SYNE1: variants seen among roughly 807,000 people sequenced by gnomAD.
The protein encoded by SYNE1 is nesprin-1.
Under a neutral mutation model 1,111.0 loss-of-function variants are expected in SYNE1, and 616 were observed. The observed-to-expected ratio is 0.55, with a 90% CI of 0.52 to 0.59. The LOEUF is 0.59. Among genes scored for constraint, SYNE1 ranks in the 20% least tolerant of loss-of-function variants. The probability of loss-of-function intolerance (pLI) is 0.00; values close to 1 mark genes in which losing one functional copy is unlikely to be tolerated. For missense variants in SYNE1, 10,006 were observed against 10,417.0 expected, an observed-to-expected ratio of 0.96 and a Z score of 1.72; for synonymous variants, 3,855 against 3,825.8, an observed-to-expected ratio of 1.01 and a Z score of -0.28.
chr6:152,459,315 T>C (rs1333774155), intron 21 of SYNE1, among the ~76,000 whole-genome samples: 1 of 152,200 alleles, frequency 6.6e-6, no homozygotes, highest in Non-Finnish European at 1.5e-5. Flanking sequence ...ATTATTATTA[T>C]ATTACCTAGA....
At chr6:152,221,353 A>T in intron 118 of SYNE1, 73 bp downstream of exon 118, 1 of 1,561,114 alleles carries the variant, frequency 6.4e-7, no homozygotes, top group Non-Finnish European at 8.8e-7. Context: ...TCAAACTGTC[A>T]TTGTTTTAAT....
In SYNE1 at chr6:152,331,112, T is replaced by C. The variant is rs909205583; in HGVS notation, c.13573A>G (p.Thr4525Ala). Residue 4525 changes from threonine (T) to alanine (A), a missense_variant, in exon 78 of 146, where the codon ACA (threonine) becomes GCA (alanine). Around this residue, in one of 7 missense-constraint regions of SYNE1, gnomAD observed 4,955 missense variants for 5,017.2 expected, o/e 0.99. Transcript: ENST00000367255. ...AGCACTTCACTCTTTTCCTGCTCTG[T>C]GACTTCCTTCATTAGTTCGCGACCC... is the stretch of plus-strand genomic sequence containing the variant. ...AQGRELMKEV[T>A]EQEKSEVLGK... 2.5e-6 allele frequency: 4 copies of C among 1,614,086 alleles called. No homozygotes were observed. Among genetic ancestry groups the C allele is most frequent in the Non-Finnish European group, 2.5e-6 (3 of 1,180,046 alleles).
chr6:152,302,024 C>T lies in SYNE1; in HGVS notation c.17386G>A (p.Ala5796Thr), dbSNP rs1398173155. 6.2e-7 allele frequency: 1 copy of T among 1,614,242 alleles called. No individual in the cohort carries two copies. The highest frequency in any genetic ancestry group is 8.5e-7 in the Non-Finnish European group (1 of 1,180,036). Reference protein sequence around the residue: ...QKIKGYQEQIASLNSKCKMLT... With the variant: ...QKIKGYQEQITSLNSKCKMLT... ...ATCTTGCACTTGGAATTCAAAGAAGCGATCTGCTCCTGGTAGCCCTTAATT... is the reference window on the plus strand; with the variant it reads ...ATCTTGCACTTGGAATTCAAAGAAGTGATCTGCTCCTGGTAGCCCTTAATT... Residue 5796 changes from alanine (A) to threonine (T), a missense_variant, in exon 92 of 146, where the codon GCT (alanine) becomes ACT (threonine). This residue lies in a region of SYNE1 where 4,955 missense variants were observed against 5,017.2 expected (regional missense o/e 0.99). Transcript: ENST00000367255.
At chr6:152,397,007 T>A (rs1157272773) in intron 49 of SYNE1, 27 bp from the exon 50 acceptor site, 1 of 1,604,150 alleles carries the variant, frequency 6.2e-7, no homozygotes, top group East Asian at 2.2e-5. Context: ...AGGTAATAGG[T>A]CCATGGGACT....
chr6:152,597,599 G>A (rs2099585638), intron 3 of SYNE1, among the ~76,000 whole-genome samples: 1 of 152,174 alleles, frequency 6.6e-6, no homozygotes, highest in African/African-American at 2.4e-5. Context: ...TAATTCAGCA[G>A]CCAGATATCT....
At chr6:152,611,357 A>AT (rs2099630837) in intron 3 of SYNE1, among the ~76,000 whole-genome samples, 1 of 152,214 alleles carries the variant, frequency 6.6e-6, no homozygotes, top group Non-Finnish European at 1.5e-5. Context: ...CTAGTTCCTG[A>AT]TAAAACAGAC....
chr6:152,350,833 T>C (rs574769080), intron 70 of SYNE1, 63 bp from the exon 71 acceptor site: 1 of 1,592,278 alleles, frequency 6.3e-7, no homozygotes, highest in East Asian at 2.2e-5. Context: ...AATACATACA[T>C]ATTCCCATGG....
intron 3 of SYNE1, among the ~76,000 whole-genome samples, chr6:152,622,775 T>C (rs956255104): frequency 6.6e-6 from 1 of 152,204 alleles, no homozygotes; most frequent in African/African-American, 2.4e-5. Context: ...CCTTTGGGTA[T>C]ATACCCAGTA....
chr6:152,326,971 A>C (rs1024713091), intron 78 of SYNE1, among the ~76,000 whole-genome samples: 3 of 152,236 alleles, frequency 2.0e-5, no homozygotes, highest in Non-Finnish European at 4.4e-5. Flanking sequence ...TGTTTATCAA[A>C]GTGCAGTAAT....
intron 3 of SYNE1, among the ~76,000 whole-genome samples, chr6:152,600,058 C>A (rs1466095919): frequency 6.6e-6 from 1 of 152,174 alleles, no homozygotes; most frequent in African/African-American, 2.4e-5. Context: ...CAAGAGCCAG[C>A]AAAGTCCAGT....
At chr6:152,492,209 T>A (rs950155369) in intron 11 of SYNE1, among the ~76,000 whole-genome samples, 2 of 152,210 alleles carry the variant, frequency 1.3e-5, no homozygotes, top group Non-Finnish European at 2.9e-5. Flanking sequence ...ATTCTCAATA[T>A]GCATTTTACT....
chr6:152,260,665 G>A (rs2091850827), intron 101 of SYNE1, among the ~76,000 whole-genome samples: 1 of 151,500 alleles, frequency 6.6e-6, no homozygotes, highest in African/African-American at 2.4e-5. Flanking sequence ...CTTCAGACCA[G>A]CGATCCCCAA....
chr6:152,551,899 G>A (rs921962127), intron 3 of SYNE1, among the ~76,000 whole-genome samples: 12 of 152,186 alleles, frequency 7.9e-5, no homozygotes, highest in African/African-American at 2.9e-4. Flanking sequence ...GCCACATGTA[G>A]CCAGCTCCCT....
At chr6:152,158,913 T>C (rs1390341615) in intron 131 of SYNE1, among the ~76,000 whole-genome samples, 1 of 152,244 alleles carries the variant, frequency 6.6e-6, no homozygotes, top group African/African-American at 2.4e-5. Flanking sequence ...TTTATAATCA[T>C]ACATAAGTGC....
rs774663453 is a variant in SYNE1, at chr6:152,176,661, G to A, written c.23461-101C>T. 6.6e-4 allele frequency: 796 copies of A among 1,202,350 alleles called. 1 individual carries two copies. Among genetic ancestry groups the A allele is most frequent in the Middle Eastern group, 1.5e-3 (6 of 4,044 alleles). 74.5% of individuals were successfully genotyped at this position (1,202,350 alleles called of 1,614,324 possible). On this transcript the variant is annotated intron_variant, in intron 129 of 145. Coordinates refer to ENST00000367255, the MANE Select transcript of SYNE1 (RefSeq NM_182961.4). ...GATGATTACTGCTTTCTACTGCTTG[G>A]AAGTAGTTTGAGCATAGGAATACCA...
intron 65 of SYNE1, among the ~76,000 whole-genome samples, chr6:152,358,911 T>C (rs1218953213): frequency 3.9e-5 from 6 of 152,206 alleles, no homozygotes; most frequent in South Asian, 2.1e-4. Flanking sequence ...AAATTTTCCA[T>C]AGTAGAATGC....
At chr6:152,619,118 G>A (rs1465985868) in intron 3 of SYNE1, among the ~76,000 whole-genome samples, 1 of 151,912 alleles carries the variant, frequency 6.6e-6, no homozygotes, top group African/African-American at 2.4e-5. Flanking sequence ...ATATAAAAGA[G>A]AATAATAATA....
chr6:152,234,661 G>A lies in SYNE1; in HGVS notation c.20529+7C>T, dbSNP rs778900335. 4 of 1,614,026 alleles carry A rather than the reference G, an allele frequency of 2.5e-6. No homozygotes were observed. Among genetic ancestry groups the A allele is most frequent in the South Asian group, 2.2e-5 (2 of 91,090 alleles). ...CTGAATCAAATGCTTTAGATTCTTA[G>A]ACTTACCAGGAAAGCATTTAGATGA... On this transcript the variant is annotated splice_region_variant and intron_variant, in intron 111 of 145. Transcript: ENST00000367255.
In SYNE1 at chr6:152,461,674, T is replaced by C. The variant is rs1201908800; in HGVS notation, c.2317A>G (p.Ile773Val). The change falls in exon 21 of 146, where the codon ATT becomes GTT. Residue 773 changes from isoleucine to valine, a missense_variant. By Grantham distance (29) the Ile-to-Val change is conservative. Transcript: ENST00000367255. Reference sequence around the variant, plus strand: ...TCTTCTTGGGGGCTTTCTTTGGTAATGAGGTGTGCTGTCTTTGTAATTATC... The same window carrying C: ...TCTTCTTGGGGGCTTTCTTTGGTAACGAGGTGTGCTGTCTTTGTAATTATC... Reference protein sequence around the residue: ...YKIITKTAHLITKESPQEEGK... With the variant: ...YKIITKTAHLVTKESPQEEGK... The C allele has an allele frequency of 1.2e-6, 2 of 1,614,048 alleles. No individual in the cohort carries two copies. The highest frequency in any genetic ancestry group is 2.2e-5 in the East Asian group (1 of 44,872).
Sources: gnomAD v4.1 joint callset for allele counts (sites outside exome capture counted in the v4.1 genomes callset) on GRCh38, gnomAD v4.1.1 for gene constraint, gnomAD v4.1.1 regional missense constraint, MANE v1.5 for transcripts, NCBI Gene and HGNC (gene_info 2026-07-23, HGNC 2026-07-21) for gene names.